HECW2: variants seen among roughly 807,000 people sequenced by gnomAD.
The protein encoded by HECW2 is HECT, C2 and WW domain containing E3 ubiquitin protein ligase 2.
Under a neutral mutation model 175.2 loss-of-function variants are expected in HECW2, and 61 were observed. That is an observed-to-expected ratio of 0.35 (90% CI 0.28 to 0.43). The LOEUF is 0.43. Ranked by LOEUF, HECW2 falls within the 20% of genes least tolerant of loss-of-function variation. The pLI is 1.00. For missense variants in HECW2, 1,524 were observed against 2,000.5 expected, an observed-to-expected ratio of 0.76 and a Z score of 4.54; for synonymous variants, 671 against 731.0, an observed-to-expected ratio of 0.92 and a Z score of 1.32.
intron 2 of HECW2, among the ~76,000 whole-genome samples, chr2:196,422,823 G>A (rs548501531): frequency 3.9e-5 from 6 of 152,046 alleles, no homozygotes; most frequent in Middle Eastern, 3.4e-3. Flanking sequence ...ACTTAGGATC[G>A]GGCACTCTTA....
intron 1 of HECW2, among the ~76,000 whole-genome samples, chr2:196,481,126 T>C (rs1358954576): frequency 6.6e-6 from 1 of 152,220 alleles, no homozygotes; most frequent in Non-Finnish European, 1.5e-5. Context: ...TGAAAACCCA[T>C]GCCTGCTTTC....
chr2:196,447,839 C>T (rs1417649642), intron 1 of HECW2, among the ~76,000 whole-genome samples: 4 of 152,078 alleles, frequency 2.6e-5, no homozygotes, highest in African/African-American at 4.8e-5. Flanking sequence ...AGGCAGATCA[C>T]GAGGTCAGGA....
chr2:196,201,810 T>C (rs1464824136), intron 28 of HECW2, among the ~76,000 whole-genome samples: 2 of 152,130 alleles, frequency 1.3e-5, no homozygotes, highest in African/African-American at 4.8e-5. Context: ...TTCGATACTC[T>C]GTAGTTATGC....
intron 2 of HECW2, among the ~76,000 whole-genome samples, chr2:196,395,751 G>C (rs1354649869): frequency 1.3e-5 from 2 of 151,702 alleles, no homozygotes; most frequent in Admixed American, 1.3e-4. Flanking sequence ...TGAGGATGTG[G>C]AGAAACTGGA....
At chr2:196,560,566 T>C (rs1689962926) in intron 1 of HECW2, among the ~76,000 whole-genome samples, 1 of 152,214 alleles carries the variant, frequency 6.6e-6, no homozygotes, top group African/African-American at 2.4e-5. Flanking sequence ...ATCTAAAAGA[T>C]ATATATTTTA....
At chr2:196,290,129 T>G (rs976271169) in intron 14 of HECW2, 2 of 152,080 alleles carry the variant, frequency 1.3e-5, no homozygotes, top group African/African-American at 4.8e-5. Flanking sequence ...AGCAGCAGAT[T>G]GTGAGGTCAG....
chr2:196,210,851 T>G (rs1261683963), intron 28 of HECW2, among the ~76,000 whole-genome samples: 1 of 151,920 alleles, frequency 6.6e-6, no homozygotes, highest in African/African-American at 2.4e-5. Context: ...CTCAAACTCC[T>G]GACCTCAAGT....
chr2:196,495,459 T>C (rs1362809342), intron 1 of HECW2, among the ~76,000 whole-genome samples: 3 of 152,136 alleles, frequency 2.0e-5, no homozygotes, highest in Non-Finnish European at 2.9e-5. Context: ...TGAAAGATGA[T>C]GGATAGCTCT....
chr2:196,282,649 G>A (rs180813703), intron 14 of HECW2, among the ~76,000 whole-genome samples: 1 of 152,344 alleles, frequency 6.6e-6, no homozygotes, highest in African/African-American at 2.4e-5. Flanking sequence ...GAATGTCTGG[G>A]TTATGATAAC....
At chr2:196,372,699 C>A (rs954775163) in intron 2 of HECW2, among the ~76,000 whole-genome samples, 1 of 152,136 alleles carries the variant, frequency 6.6e-6, no homozygotes, top group African/African-American at 2.4e-5. Flanking sequence ...ATTAAGTGTC[C>A]AAATTTGCTT....
In HECW2 at chr2:196,199,131, T is replaced by A. The variant is rs1236301838; in HGVS notation, c.*2146A>T. ...ATTTTTGAAAGAAATGCAACCTTTA[T>A]CTGCTGCTTGGAGAATGCCAGCCCT... On this transcript the variant is annotated 3_prime_UTR_variant, in exon 29 of 29. Coordinates refer to ENST00000644978, the MANE Select transcript of HECW2 (RefSeq NM_001348768.2). 6.6e-6 allele frequency: 1 copy of A among 152,592 alleles called. No homozygotes were observed. The highest frequency in any genetic ancestry group is 1.5e-5 in the Non-Finnish European group (1 of 68,006). 9.5% of individuals were successfully genotyped at this position (152,592 alleles called of 1,614,324 possible).
intron 1 of HECW2, among the ~76,000 whole-genome samples, chr2:196,507,947 C>T (rs2125411957): frequency 1.3e-5 from 2 of 152,320 alleles, no homozygotes; most frequent in Middle Eastern, 6.8e-3. Context: ...CATTAACACT[C>T]CTCTTCAACC....
chr2:196,210,411 G>A (rs1687236285), intron 28 of HECW2, among the ~76,000 whole-genome samples: 2 of 151,640 alleles, frequency 1.3e-5, no homozygotes, highest in Admixed American at 1.3e-4. Context: ...TGTTGCTCAG[G>A]TTTGACTCAA....
chr2:196,230,660 T>C (rs756078176), intron 21 of HECW2, among the ~76,000 whole-genome samples: 6 of 152,232 alleles, frequency 3.9e-5, no homozygotes, highest in South Asian at 2.1e-4. Flanking sequence ...TCTCCGGCGA[T>C]GCAGGTTAAA....
chr2:196,470,168 A>G (rs1697137829), intron 1 of HECW2, among the ~76,000 whole-genome samples: 1 of 152,200 alleles, frequency 6.6e-6, no homozygotes, highest in African/African-American at 2.4e-5. Context: ...AACAACAACA[A>G]TAATGACAAC....
intron 10 of HECW2, among the ~76,000 whole-genome samples, chr2:196,313,869 T>G (rs1432542535): frequency 6.6e-6 from 1 of 152,110 alleles, no homozygotes; most frequent in East Asian, 1.9e-4. Context: ...CCTGGCAACA[T>G]AGTTAGACCC....
intron 2 of HECW2, among the ~76,000 whole-genome samples, chr2:196,377,517 T>G (rs1415013822): frequency 6.6e-6 from 1 of 152,112 alleles, no homozygotes; most frequent in Non-Finnish European, 1.5e-5. Context: ...GAACTCCCCT[T>G]TATAAAACCA....
chr2:196,293,959 T>C (rs775470251), intron 13 of HECW2, among the ~76,000 whole-genome samples: 103 of 152,230 alleles, frequency 6.8e-4, no homozygotes, highest in Non-Finnish European at 5.3e-4. Flanking sequence ...TCACCCTTCA[T>C]AGAGGCATAT....
chr2:196,540,438 TTTTTTA>T (rs561246114), intron 1 of HECW2, among the ~76,000 whole-genome samples: 2 of 152,112 alleles, frequency 1.3e-5, no homozygotes, highest in Non-Finnish European at 2.9e-5. Flanking sequence ...TTTCTTTCTT[TTTTTTA>T]TTTTTATTTT....
Sources: allele counts gnomAD v4.1 joint callset (sites outside exome capture counted in the v4.1 genomes callset), GRCh38; gene constraint gnomAD v4.1.1; transcripts MANE v1.5; gene names NCBI Gene and HGNC (gene_info 2026-07-23, HGNC 2026-07-21).